IFI16: variants seen among roughly 807,000 people sequenced by gnomAD.
IFI16 encodes the protein interferon gamma inducible protein 16, also known as gamma-interferon-inducible protein 16.
In IFI16, 49 loss-of-function variants were observed where a neutral mutation model predicts 68.4. The observed-to-expected ratio is 0.72, with a 90% CI of 0.57 to 0.91. IFI16 has a LOEUF of 0.91. IFI16 is among the 40% of genes least tolerant of loss of function. IFI16 has a pLI of 0.00. For missense variants in IFI16, 878 were observed against 942.9 expected, an observed-to-expected ratio of 0.93 and a Z score of 0.90; for synonymous variants, 307 against 315.0, an observed-to-expected ratio of 0.97 and a Z score of 0.27.
At chr1:159,003,867 A>G (rs928610917), upstream of IFI16, among the ~76,000 whole-genome samples, 2 of 151,814 alleles carry the variant, frequency 1.3e-5, no homozygotes, top group Admixed American at 6.6e-5. Flanking sequence ...TCACTGTGTT[A>G]GCCAGGATGG....
At chr1:159,006,671 T>C (rs1322523057), upstream of IFI16, among the ~76,000 whole-genome samples, 1 of 151,900 alleles carries the variant, frequency 6.6e-6, no homozygotes, top group African/African-American at 2.4e-5. Context: ...CAAGGCTGGG[T>C]GATTAAAGAG....
At chr1:159,029,173 C>G (rs994479396) in intron 6 of IFI16, among the ~76,000 whole-genome samples, 13 of 152,212 alleles carry the variant, frequency 8.5e-5, no homozygotes, top group Non-Finnish European at 1.9e-4. Flanking sequence ...TTTAGCAGTT[C>G]TTGTAATGCT....
intron 7 of IFI16, among the ~76,000 whole-genome samples, chr1:159,044,789 C>G (rs548380506): frequency 2.6e-5 from 4 of 152,208 alleles, no homozygotes; most frequent in African/African-American, 9.6e-5. Flanking sequence ...ATCATAGAAC[C>G]TTCCCTGAGG....
intron 2 of IFI16, 87 bp from the exon 3 acceptor site, chr1:159,015,785 G>A: frequency 1.0e-6 from 1 of 958,202 alleles, no homozygotes; most frequent in South Asian, 1.4e-5. Flanking sequence ...AGAGCAAATT[G>A]TATTGAAACT....
intron 6 of IFI16, among the ~76,000 whole-genome samples, chr1:159,023,106 T>C (rs1653437354): frequency 6.6e-6 from 1 of 150,776 alleles, no homozygotes; most frequent in African/African-American, 2.5e-5. Context: ...GAGGTGAGAA[T>C]TGAAGTTAAA....
At position 159,000,688 on chromosome 1, in the gene IFI16, AT is replaced by A. The variant is rs909156872; in HGVS notation, c.-180+296del. ...ACAGTAGATAAAGCTCAATTTTTCA[AT>A]TTCTTCTTTCATGGATCATGTTTTT... On this transcript the variant is annotated intron_variant, in intron 1 of 2. Coordinates refer to the IFI16 transcript ENST00000566111. 3.6e-4 allele frequency among the ~76,000 whole-genome samples: 55 copies of A among 152,278 alleles called. 1 individual carries two copies. Among genetic ancestry groups the A allele is most frequent in the African/African-American group, 1.3e-3 (54 of 41,556 alleles).
chr1:159,011,216 T>A (rs1652535953), intron 1 of IFI16, among the ~76,000 whole-genome samples: 1 of 152,074 alleles, frequency 6.6e-6, no homozygotes, highest in African/African-American at 2.4e-5. Flanking sequence ...AAACCCTGTC[T>A]CTATTAAAAA....
upstream of IFI16, chr1:159,009,028 A>C (rs1026364838): frequency 6.6e-6 from 1 of 152,144 alleles, no homozygotes; most frequent in Admixed American, 6.5e-5. Flanking sequence ...AGCACGCTAA[A>C]GGGCACCCAC....
chr1:159,006,097 CT>C (rs1652246730), upstream of IFI16: 1 of 152,282 alleles, frequency 6.6e-6, no homozygotes, highest in Non-Finnish European at 1.5e-5. Context: ...TGGTCTGCCT[CT>C]TCTTTGGTCT....
At chr1:159,025,072 G>T in intron 6 of IFI16, among the ~76,000 whole-genome samples, 1 of 152,050 alleles carries the variant, frequency 6.6e-6, no homozygotes, top group East Asian at 1.9e-4. Flanking sequence ...AATTCTAGGG[G>T]TGGTACCTGT....
intron 6 of IFI16, among the ~76,000 whole-genome samples, chr1:159,028,510 G>A (rs1476862598): frequency 2.6e-5 from 4 of 152,118 alleles, no homozygotes; most frequent in Admixed American, 1.3e-4. Context: ...AGAATGTTCT[G>A]TAAATATCTG....
At chr1:159,044,397 T>C (rs1571885271) in intron 7 of IFI16, among the ~76,000 whole-genome samples, 4 of 152,288 alleles carry the variant, frequency 2.6e-5, no homozygotes, top group South Asian at 4.1e-4. Flanking sequence ...AGTGTTTTGT[T>C]TGGGGTTTAT....
chr1:159,008,714 C>T (rs757638095), upstream of IFI16, among the ~76,000 whole-genome samples: 10 of 152,172 alleles, frequency 6.6e-5, no homozygotes, highest in Non-Finnish European at 5.9e-5. Context: ...AAGATTATCA[C>T]GAACACCCAG....
chr1:159,011,382 C>CA (rs67588505), intron 1 of IFI16, among the ~76,000 whole-genome samples: 43 of 133,398 alleles, frequency 3.2e-4, no homozygotes, highest in East Asian at 2.5e-3. Flanking sequence ...GGCTCTGTCT[C>CA]AAAAAAAAAA....
intron 1 of IFI16, among the ~76,000 whole-genome samples, chr1:159,000,943 A>G (rs1311902693): frequency 6.6e-6 from 1 of 152,224 alleles, no homozygotes; most frequent in East Asian, 1.9e-4. Context: ...GTAACCCATT[A>G]GAAGAAAACA....
chr1:159,034,813 T>G (rs960824963), intron 7 of IFI16, among the ~76,000 whole-genome samples: 1 of 152,202 alleles, frequency 6.6e-6, no homozygotes, highest in Non-Finnish European at 1.5e-5. Flanking sequence ...AATTTTCTCC[T>G]TTTATATACC....
intron 6 of IFI16, among the ~76,000 whole-genome samples, chr1:159,032,317 A>AT (rs1453558776): frequency 6.6e-6 from 1 of 152,200 alleles, no homozygotes; most frequent in East Asian, 1.9e-4. Flanking sequence ...ATATTGAAAG[A>AT]TTTTAGGAAG....
intron 6 of IFI16, among the ~76,000 whole-genome samples, chr1:159,026,632 A>T (rs184197127): frequency 1.6e-4 from 25 of 152,130 alleles, no homozygotes; most frequent in Non-Finnish European, 2.2e-4. Context: ...GATTCTACCC[A>T]TCCCCGAGCA....
intron 7 of IFI16, among the ~76,000 whole-genome samples, chr1:159,034,846 G>A (rs1557874554): frequency 6.6e-6 from 1 of 152,150 alleles, no homozygotes; most frequent in Non-Finnish European, 1.5e-5. Flanking sequence ...GGTAGGTAGC[G>A]TCTACCCCAG....
Sources: allele counts gnomAD v4.1 joint callset (sites outside exome capture counted in the v4.1 genomes callset), GRCh38; gene constraint gnomAD v4.1.1; transcripts MANE v1.5; gene names NCBI Gene and HGNC (gene_info 2026-07-23, HGNC 2026-07-21).